The following MTMR12 variants were observed in gnomAD, a reference collection of about 807,000 sequenced individuals.
The protein encoded by MTMR12 is myotubularin related protein 12.
Under a neutral mutation model 96.7 loss-of-function variants are expected in MTMR12, and 33 were observed. The ratio of observed to expected loss-of-function variants is 0.34; its 90% confidence interval spans 0.26 to 0.46. The LOEUF is 0.46. Among genes scored for constraint, MTMR12 ranks in the 20% least tolerant of loss-of-function variants. The probability of loss-of-function intolerance (pLI) is 1.00; values close to 1 mark genes in which losing one functional copy is unlikely to be tolerated. For missense variants in MTMR12, 721 were observed against 896.1 expected, an observed-to-expected ratio of 0.80 and a Z score of 2.49; for synonymous variants, 298 against 327.2, an observed-to-expected ratio of 0.91 and a Z score of 0.96.
chr5:32,268,269 A>G (rs533008278), intron 6 of MTMR12, among the ~76,000 whole-genome samples: 1 of 152,238 alleles, frequency 6.6e-6, no homozygotes, highest in Non-Finnish European at 1.5e-5. Flanking sequence ...GCACTTTGGG[A>G]GGCCGAGGTG....
intron 15 of MTMR12, chr5:32,232,938 GAC>G (rs1444109171): frequency 2.0e-6 from 2 of 980,572 alleles, no homozygotes; most frequent in Non-Finnish European, 2.4e-6. Context: ...AGAAGGCAGT[GAC>G]ACACATCGAC....
At chr5:32,256,146 T>G (rs1749123099) in intron 7 of MTMR12, among the ~76,000 whole-genome samples, 1 of 152,222 alleles carries the variant, frequency 6.6e-6, no homozygotes, top group African/African-American at 2.4e-5. Flanking sequence ...TGTGTTGTTT[T>G]CAGTTAAACT....
At chr5:32,247,080 CGG>C (rs1748720730) in intron 10 of MTMR12, among the ~76,000 whole-genome samples, 1 of 152,092 alleles carries the variant, frequency 6.6e-6, no homozygotes, top group South Asian at 2.1e-4. Flanking sequence ...GTCCAGGCAG[CGG>C]CTCATGCCTA....
Position 32,279,835 on chromosome 5 carries a change from T to C in MTMR12, c.82-3093A>G, listed in dbSNP as rs144054279. 1.8e-4 allele frequency among the ~76,000 whole-genome samples: 28 copies of C among 152,298 alleles called. No individual in the cohort carries two copies. In the East Asian group the frequency reaches 4.1e-3, roughly 22 times the overall value. ...GATCTCTTGCATGTGCAGTTCACAA[T>C]AGGGTTCATGCTCCTATAAGAATCT... On this transcript the variant is annotated intron_variant, in intron 1 of 15. Transcript: ENST00000382142.
At chr5:32,273,763 G>A (rs1749937599) in intron 3 of MTMR12, among the ~76,000 whole-genome samples, 1 of 152,192 alleles carries the variant, frequency 6.6e-6, no homozygotes, top group Admixed American at 6.5e-5. Context: ...GGGAAGTGGA[G>A]TAACTGAGTA....
intron 1 of MTMR12, among the ~76,000 whole-genome samples, chr5:32,288,355 ACT>A (rs928965119): frequency 1.3e-5 from 2 of 151,820 alleles, no homozygotes; most frequent in African/African-American, 4.8e-5. Flanking sequence ...TCTGAGATAA[ACT>A]CTGCACTGCC....
intron 1 of MTMR12, among the ~76,000 whole-genome samples, chr5:32,305,152 G>C (rs555093605): frequency 4.6e-5 from 7 of 152,076 alleles, no homozygotes; most frequent in Non-Finnish European, 8.8e-5. Flanking sequence ...GCAGTGGCGC[G>C]ATCTTGGCTC....
chr5:32,310,020 G>C (rs913606151), intron 1 of MTMR12, among the ~76,000 whole-genome samples: 2 of 152,138 alleles, frequency 1.3e-5, no homozygotes, highest in Non-Finnish European at 2.9e-5. Context: ...ACACCCAAAA[G>C]AAAGGAAATC....
Position 32,233,015 on chromosome 5 carries a change from A to T in MTMR12, c.1674+758T>A. The T allele has an allele frequency of 1.0e-6, 1 of 984,650 alleles. No individual in the cohort carries two copies. Among genetic ancestry groups the T allele is most frequent in the Non-Finnish European group, 1.2e-6 (1 of 829,184 alleles). 61.0% of individuals were successfully genotyped at this position (984,650 alleles called of 1,614,324 possible). Reference sequence around the variant, plus strand: ...TGGGGGAGAAATTCTGGGCCTGGAGACAGAGCTAGGAAATGTCAGTTAAAT... The same window carrying T: ...TGGGGGAGAAATTCTGGGCCTGGAGTCAGAGCTAGGAAATGTCAGTTAAAT... On this transcript the variant is annotated intron_variant, in intron 15 of 15. Coordinates refer to ENST00000382142, the MANE Select transcript of MTMR12 (RefSeq NM_001040446.3). This position sits in a 1 kb window ranked among gnomAD's most constrained non-coding sequence, Gnocchi z 5.0.
chr5:32,287,489 T>C (rs991603527), intron 1 of MTMR12, among the ~76,000 whole-genome samples: 6 of 152,192 alleles, frequency 3.9e-5, no homozygotes, highest in African/African-American at 1.4e-4. Context: ...CAGACTACTG[T>C]GGGAACTTGT....
chr5:32,294,428 T>C (rs531984565), intron 1 of MTMR12, among the ~76,000 whole-genome samples: 2 of 152,130 alleles, frequency 1.3e-5, no homozygotes, highest in South Asian at 2.1e-4. Context: ...TCAGCCTCCT[T>C]AGTAGCTGGG....
At position 32,271,912 on chromosome 5, in the gene MTMR12, G is replaced by A; in HGVS notation, c.286-7C>T. The A allele has an allele frequency of 6.7e-7, 1 of 1,496,578 alleles. No homozygotes were observed. 92.7% of individuals were successfully genotyped at this position (1,496,578 alleles called of 1,614,324 possible). On this transcript the variant is annotated splice_polypyrimidine_tract_variant and splice_region_variant and intron_variant, in intron 3 of 15. Transcript: ENST00000382142. ...TATTCTTAAATTGAGTTTCCTAGAAGATTCAAAAGGAAACAACTGTGACTC... is the reference window on the plus strand; with the variant it reads ...TATTCTTAAATTGAGTTTCCTAGAAAATTCAAAAGGAAACAACTGTGACTC...
chr5:32,247,618 G>A, intron 10 of MTMR12: 1 of 568,372 alleles, frequency 1.8e-6, no homozygotes, highest in Non-Finnish European at 2.2e-6. Flanking sequence ...TCCACTTTGG[G>A]AAAAAGTCTA....
intron 2 of MTMR12, among the ~76,000 whole-genome samples, chr5:32,274,878 A>G (rs1329575157): frequency 6.6e-6 from 1 of 152,120 alleles, no homozygotes; most frequent in Non-Finnish European, 1.5e-5. Context: ...CAAAAAGATG[A>G]GGATTAGGGA....
chr5:32,238,138 C>T (rs944906170), intron 13 of MTMR12, among the ~76,000 whole-genome samples: 1 of 109,498 alleles, frequency 9.1e-6, no homozygotes, highest in Admixed American at 1.1e-4. Flanking sequence ...AGCAAGACTC[C>T]GTCTCAAAAA....
chr5:32,279,732 G>C (rs1750212411), intron 1 of MTMR12, among the ~76,000 whole-genome samples: 1 of 152,198 alleles, frequency 6.6e-6, no homozygotes, highest in Non-Finnish European at 1.5e-5. Flanking sequence ...AGGGGGGCAG[G>C]GGATGATTTT....
At chr5:32,294,113 C>T (rs765815132) in intron 1 of MTMR12, among the ~76,000 whole-genome samples, 3 of 152,132 alleles carry the variant, frequency 2.0e-5, no homozygotes, top group Non-Finnish European at 4.4e-5. Context: ...CCTACTGCAT[C>T]CTCTGGGACC....
intron 1 of MTMR12, among the ~76,000 whole-genome samples, chr5:32,288,418 T>C (rs1483756051): frequency 6.6e-6 from 1 of 152,154 alleles, no homozygotes; most frequent in Non-Finnish European, 1.5e-5. Context: ...CAAGATAATG[T>C]TGATTCTCCT....
At chr5:32,237,696 G>C (rs1748293183) in intron 13 of MTMR12, among the ~76,000 whole-genome samples, 1 of 151,978 alleles carries the variant, frequency 6.6e-6, no homozygotes, top group African/African-American at 2.4e-5. Flanking sequence ...ATTTTTAGTA[G>C]AGACGGGGTT....
Sources: gnomAD v4.1 joint callset for allele counts (sites outside exome capture counted in the v4.1 genomes callset) on GRCh38, gnomAD v4.1.1 for gene constraint, Gnocchi (gnomAD v3.1) non-coding constraint, MANE v1.5 for transcripts, NCBI Gene and HGNC (gene_info 2026-07-23, HGNC 2026-07-21) for gene names.